The following CNOT6L variants were observed in gnomAD, a reference collection of about 807,000 sequenced individuals.
CNOT6L encodes the protein CCR4-NOT transcription complex subunit 6 like.
In CNOT6L, 7 loss-of-function variants were observed where a neutral mutation model predicts 64.0. The ratio of observed to expected loss-of-function variants is 0.11; its 90% CI spans 0.06 to 0.21. The LOEUF is 0.21. Ranked by LOEUF, CNOT6L falls within the 10% of genes least tolerant of loss-of-function variation. CNOT6L has a pLI of 1.00. For missense variants in CNOT6L, 245 were observed against 669.0 expected, an observed-to-expected ratio of 0.37 and a Z score of 6.99; for synonymous variants, 193 against 243.4, an observed-to-expected ratio of 0.79 and a Z score of 1.93.
intron 1 of CNOT6L, among the ~76,000 whole-genome samples, chr4:77,794,864 T>C (rs1730624260): frequency 6.6e-6 from 1 of 152,036 alleles, no homozygotes. Flanking sequence ...AAATTATATA[T>C]ATGTAAAAAA....
At chr4:77,793,188 G>T (rs1430452978) in intron 1 of CNOT6L, among the ~76,000 whole-genome samples, 1 of 152,052 alleles carries the variant, frequency 6.6e-6, no homozygotes, top group African/African-American at 2.4e-5. Flanking sequence ...AAAAGCCAGA[G>T]GTTATGAATT....
intron 1 of CNOT6L, among the ~76,000 whole-genome samples, chr4:77,791,200 C>T (rs1362769497): frequency 1.3e-5 from 2 of 151,998 alleles, no homozygotes; most frequent in African/African-American, 4.8e-5. Context: ...ATCACAAACC[C>T]GGGAAGTGGG....
intron 1 of CNOT6L, among the ~76,000 whole-genome samples, chr4:77,810,605 C>T (rs186441705): frequency 5.1e-4 from 78 of 152,190 alleles, no homozygotes; most frequent in African/African-American, 1.7e-3. Flanking sequence ...AGGTAATCAG[C>T]ATATCCATCA....
At chr4:77,794,205 T>C (rs72866621) in intron 1 of CNOT6L, among the ~76,000 whole-genome samples, 3,196 of 141,028 alleles carry the variant, frequency 0.023, 111 homozygotes, top group African/African-American at 0.08. Flanking sequence ...AAAGAGAGAT[T>C]ATAGTCTTAT....
chr4:77,720,953 A>G (rs1577913269), intron 11 of CNOT6L, among the ~76,000 whole-genome samples: 2 of 152,224 alleles, frequency 1.3e-5, no homozygotes, highest in Non-Finnish European at 1.5e-5. Context: ...GAAATCCAAC[A>G]TATCAGTATA....
At chr4:77,748,292 G>A (rs767106771) in intron 6 of CNOT6L, 24 bp downstream of exon 6, 4 of 1,469,356 alleles carry the variant, frequency 2.7e-6, no homozygotes, top group Non-Finnish European at 3.8e-6. Context: ...TGAAAAAAAA[G>A]GAAGAATAAG....
At chr4:77,802,089 A>AT (rs1381847037) in intron 1 of CNOT6L, among the ~76,000 whole-genome samples, 1 of 152,242 alleles carries the variant, frequency 6.6e-6, no homozygotes, top group Non-Finnish European at 1.5e-5. Context: ...ATTAAAGTCC[A>AT]TTATAATGCT....
intron 8 of CNOT6L, 91 bp from the exon 9 acceptor site, chr4:77,731,629 G>T: frequency 1.1e-6 from 1 of 942,232 alleles, no homozygotes. Context: ...TGTCTCCCTT[G>T]TCATTTTCTA....
At chr4:77,814,037 A>G (rs1307617097) in intron 1 of CNOT6L, among the ~76,000 whole-genome samples, 1 of 152,202 alleles carries the variant, frequency 6.6e-6, no homozygotes, top group Non-Finnish European at 1.5e-5. Flanking sequence ...TCTTATGCTG[A>G]CATACTATTC....
At chr4:77,800,349 T>A (rs569377776) in intron 1 of CNOT6L, among the ~76,000 whole-genome samples, 593 of 150,810 alleles carry the variant, frequency 3.9e-3, no homozygotes, top group Non-Finnish European at 6.4e-3. Flanking sequence ...CAAAAAAAAT[T>A]TTTTTTTTTA....
At chr4:77,744,094 G>A (rs1723922944) in intron 7 of CNOT6L, among the ~76,000 whole-genome samples, 1 of 152,144 alleles carries the variant, frequency 6.6e-6, no homozygotes, top group African/African-American at 2.4e-5. Flanking sequence ...TGTTTTGAAA[G>A]TTGCTAAGAA....
At chr4:77,783,763 T>C (rs1347212995) in intron 1 of CNOT6L, among the ~76,000 whole-genome samples, 1 of 152,100 alleles carries the variant, frequency 6.6e-6, no homozygotes, top group Non-Finnish European at 1.5e-5. Flanking sequence ...AGTGATAATA[T>C]TCTTTTCTAC....
intron 3 of CNOT6L, among the ~76,000 whole-genome samples, chr4:77,773,693 A>C (rs1410682598): frequency 6.6e-6 from 1 of 152,162 alleles, no homozygotes; most frequent in African/African-American, 2.4e-5. Context: ...AAATAAAAAG[A>C]ATAAGAAACA....
At chr4:77,792,864 C>T (rs543991200) in intron 1 of CNOT6L, among the ~76,000 whole-genome samples, 2 of 151,760 alleles carry the variant, frequency 1.3e-5, no homozygotes, top group East Asian at 1.9e-4. Context: ...AAGTGACTCT[C>T]GACCAGATGT....
chr4:77,742,362 T>C, intron 7 of CNOT6L, 67 bp from the exon 8 acceptor site: 1 of 1,378,914 alleles, frequency 7.3e-7, no homozygotes, highest in Middle Eastern at 1.9e-4. Flanking sequence ...ATAAAAATGT[T>C]CAGCATTATG....
intron 1 of CNOT6L, among the ~76,000 whole-genome samples, chr4:77,779,832 C>A (rs1395372121): frequency 6.6e-6 from 1 of 152,016 alleles, no homozygotes; most frequent in African/African-American, 2.4e-5. Flanking sequence ...GGTGTGGTCG[C>A]GGGCGCCTGT....
rs868413070 is a variant in CNOT6L, at chr4:77,748,367, G to A, written c.508C>T (p.Pro170Ser). 15 of 1,612,402 alleles carry A rather than the reference G, an allele frequency of 9.3e-6. No individual in the cohort carries two copies. The highest frequency in any genetic ancestry group is 1.2e-5 in the Non-Finnish European group (14 of 1,178,836). Residue 170 changes from proline (P) to serine (S), a missense_variant, in exon 6 of 12, where the codon CCT (proline) becomes TCT (serine). This residue lies in a region of CNOT6L where 94 missense variants were observed against 290.9 expected (regional missense o/e 0.32). Coordinates refer to ENST00000504123, the MANE Select transcript of CNOT6L (RefSeq NM_144571.3). ...TTTAATGTAATCCATGGCCTCGGAG[G>A]AAGCTGCTCTGGATGAACTGAAAAA... Reference protein sequence around the residue: ...DNLAVHPEQLPPRPWITLKER... With the variant: ...DNLAVHPEQLSPRPWITLKER...
chr4:77,782,087 AT>A (rs113140088), intron 1 of CNOT6L, among the ~76,000 whole-genome samples: 117 of 152,284 alleles, frequency 7.7e-4, no homozygotes, highest in Middle Eastern at 3.4e-3. Context: ...AACTTATTCC[AT>A]TTTACACATT....
chr4:77,724,668 A>G (rs1002084535), intron 11 of CNOT6L, among the ~76,000 whole-genome samples: 1 of 151,502 alleles, frequency 6.6e-6, no homozygotes, highest in Non-Finnish European at 1.5e-5. Context: ...GGGCTATGTG[A>G]AATAGAATAA....
Sources: allele counts gnomAD v4.1 joint callset (sites outside exome capture counted in the v4.1 genomes callset), GRCh38; gene constraint gnomAD v4.1.1; regional missense constraint gnomAD v4.1.1; transcripts MANE v1.5; gene names NCBI Gene and HGNC (gene_info 2026-07-23, HGNC 2026-07-21).